Variants in CEP131 observed in about 807,000 individuals in gnomAD.
The protein encoded by CEP131 is centrosomal protein 131.
CEP131 carries 99 observed loss-of-function variants against 136.8 expected under a neutral mutation model. The observed-to-expected ratio is 0.72, with a 90% CI of 0.62 to 0.86. CEP131 has a LOEUF of 0.86. Among genes scored for constraint, CEP131 ranks in the 40% least tolerant of loss-of-function variants. CEP131 has a pLI of 0.00. For missense variants in CEP131, 1,459 were observed against 1,463.0 expected (o/e 1.00, Z 0.04); for synonymous variants, 646 against 612.7 (o/e 1.05, Z -0.80).
intron 21 of CEP131, 105 bp downstream of exon 21, chr17:81,192,213 C>G (rs891591849): frequency 9.3e-7 from 1 of 1,076,412 alleles, no homozygotes; most frequent in Non-Finnish European, 1.3e-6. Context: ...GAAACGAGCC[C>G]CCAGGATGCC....
At chr17:81,212,937 T>C (rs9892075) in intron 2 of CEP131, among the ~76,000 whole-genome samples, 67,346 of 151,892 alleles carry the variant, frequency 0.44, 15,372 homozygotes, top group Non-Finnish European at 0.48. Context: ...AACAGCCCAG[T>C]AGGGACAAGC....
intron 8 of CEP131, chr17:81,200,095 C>G (rs1598287731): frequency 3.3e-6 from 2 of 609,158 alleles, no homozygotes; most frequent in Middle Eastern, 4.3e-4. Context: ...CTGAGACTCT[C>G]CAGCCTGGGA....
chr17:81,196,991 A>G lies in CEP131; in HGVS notation c.1712T>C (p.Met571Thr), dbSNP rs762629509. The G allele has an allele frequency of 1.2e-6, 2 of 1,604,534 alleles. No individual in the cohort carries two copies. Among genetic ancestry groups the G allele is most frequent in the Non-Finnish European group, 1.7e-6 (2 of 1,175,834 alleles). Residue 571 changes from methionine (M) to threonine (T), a missense_variant, in exon 14 of 26, where the codon ATG becomes ACG. Around this residue, in one of 3 missense-constraint regions of CEP131, gnomAD observed 1,026 missense variants for 964.2 expected, o/e 1.06. Transcript: ENST00000450824. Reference protein sequence around the residue: ...ELGSEVSTSVMRLKLEVEEKK... With the variant: ...ELGSEVSTSVTRLKLEVEEKK... ...CTCCTCCACCTCCAGCTTCAGCCGCATCACAGACGTGCTCACCTCGGACCC... is the reference window on the plus strand; with the variant it reads ...CTCCTCCACCTCCAGCTTCAGCCGCGTCACAGACGTGCTCACCTCGGACCC...
Position 81,197,679 on chromosome 17 carries a change from C to T in CEP131, c.1647+33G>A, listed in dbSNP as rs777741959. 7 of 1,586,600 alleles carry T rather than the reference C, an allele frequency of 4.4e-6. No individual in the cohort carries two copies. The African/African-American group carries it at 6.7e-5, about 15-fold the overall frequency. On this transcript the variant is annotated intron_variant, in intron 13 of 25. Coordinates refer to ENST00000450824, the MANE Select transcript of CEP131 (RefSeq NM_014984.4). ...CAGGCTCGTGAGGGGCCTCCTCCCACTGGGGGCCGGGTGCGGGCTGGTGAG... is the reference window on the plus strand; with the variant it reads ...CAGGCTCGTGAGGGGCCTCCTCCCATTGGGGGCCGGGTGCGGGCTGGTGAG...
intron 8 of CEP131, 107 bp from the exon 9 acceptor site, chr17:81,199,942 A>G (rs577605966): frequency 9.0e-7 from 1 of 1,116,476 alleles, no homozygotes; most frequent in East Asian, 2.4e-5. Flanking sequence ...AGTTCGTGGA[A>G]TCTCAGGGCC....
In CEP131 at chr17:81,215,504, C is replaced by T. The variant is rs1598322425; in HGVS notation, c.177+4376G>A. The stretch of plus-strand genomic sequence containing the variant: ...TTGGCTCACTGCAACCTCCAGCTTC[C>T]GGGTTAAATCAGTTCTCCTGCCTTA... On this transcript the variant is annotated intron_variant, in intron 2 of 25. Coordinates refer to ENST00000450824, the MANE Select transcript of CEP131 (RefSeq NM_014984.4). This position sits in a 1 kb window ranked among gnomAD's most constrained non-coding sequence, Gnocchi z 4.1. 6.6e-6 allele frequency among the ~76,000 whole-genome samples: 1 copy of T among 152,084 alleles called. No homozygotes were observed. Among genetic ancestry groups the T allele is most frequent in the Admixed American group, 6.6e-5 (1 of 15,262 alleles).
chr17:81,198,984 A>G lies in CEP131; in HGVS notation c.1193-13T>C, dbSNP rs1475270696. 6.5e-7 allele frequency: 1 copy of G among 1,528,374 alleles called. No homozygotes were observed. Among genetic ancestry groups the G allele is most frequent in the East Asian group, 2.4e-5 (1 of 41,792 alleles). 94.7% of individuals were successfully genotyped at this position (1,528,374 alleles called of 1,614,324 possible). A position where few individuals can be genotyped will look rare whatever the true frequency, so the allele number is the denominator to read the frequency against. On this transcript the variant is annotated splice_polypyrimidine_tract_variant and intron_variant, in intron 10 of 25. Transcript: ENST00000450824. ...GGGAGGCCACCACCTGCACAGCAGA[A>G]CACAGCACCATTCCACAGGGAGCAT... is the stretch of plus-strand genomic sequence containing the variant.
Position 81,197,908 on chromosome 17 carries a change from C to T in CEP131, c.1471-20G>A, listed in dbSNP as rs774993503. On this transcript the variant is annotated intron_variant, in intron 12 of 25. Transcript: ENST00000450824. ...ATCCTCCTGTGGGACAGGAGCCCAG[C>T]ATCGGGGGCTGTCAGGGCAGCCTGA... 1 of 1,603,688 alleles carries T rather than the reference C, an allele frequency of 6.2e-7. No homozygotes were observed. Among genetic ancestry groups the T allele is most frequent in the African/African-American group, 1.3e-5 (1 of 74,774 alleles).
intron 19 of CEP131, 63 bp downstream of exon 19, chr17:81,192,673 C>G (rs3744149): frequency 4.4e-3 from 899 of 203,058 alleles, no homozygotes; most frequent in African/African-American, 7.2e-3. Flanking sequence ...GGTGAGGGGG[C>G]GGGGGGGAGG....
intron 2 of CEP131, among the ~76,000 whole-genome samples, chr17:81,217,913 T>A (rs918035148): frequency 2.0e-5 from 3 of 152,182 alleles, no homozygotes; most frequent in Non-Finnish European, 2.9e-5. Context: ...AGCCTGGCCA[T>A]GCCGCCGAAA....
intron 18 of CEP131, 87 bp from the exon 19 acceptor site, chr17:81,192,930 C>T: frequency 6.6e-7 from 1 of 1,513,172 alleles, no homozygotes; most frequent in Non-Finnish European, 8.8e-7. Context: ...CGACCACAGG[C>T]CTGACTCACA....
chr17:81,214,563 G>A (rs2062203674), intron 2 of CEP131, among the ~76,000 whole-genome samples: 2 of 139,240 alleles, frequency 1.4e-5, no homozygotes. Context: ...TCTCAAAAAA[G>A]AAAAAGAAAA....
intron 15 of CEP131, 106 bp from the exon 16 acceptor site, chr17:81,196,057 C>A: frequency 2.3e-6 from 2 of 888,670 alleles, no homozygotes; most frequent in Non-Finnish European, 3.5e-6. Flanking sequence ...CAGCAGCCCT[C>A]CCCTGGGGCT....
At chr17:81,197,662 T>A (rs781284724) in intron 13 of CEP131, 50 bp downstream of exon 13, 1 of 1,564,558 alleles carries the variant, frequency 6.4e-7, no homozygotes. Context: ...TGCAGGCTCG[T>A]GAGGGGCCTC....
Position 81,199,464 on chromosome 17 carries a change from A to G in CEP131, c.1109T>C (p.Val370Ala). Reference protein sequence around the residue: ...GPPENPRETRVPGMRQPAQEL... With the variant: ...GPPENPRETRAPGMRQPAQEL... The stretch of plus-strand genomic sequence containing the variant: ...CTGAGCAGGCTGCCGCATTCCTGGC[A>G]CTCTGGTCTCCCTGGGATTCTCAGG... Residue 370 changes from valine (V) to alanine (A), a missense_variant, in exon 10 of 26, where the codon GTG (valine) becomes GCG (alanine). Physicochemically the swap from Val to Ala is moderately conservative, Grantham distance 64. Transcript: ENST00000450824. 1 of 1,609,004 alleles carries G rather than the reference A, an allele frequency of 6.2e-7. No individual in the cohort carries two copies.
chr17:81,199,427 G>T lies in CEP131; in HGVS notation c.1146C>A (p.Pro382=). The T allele has an allele frequency of 6.2e-7, 1 of 1,607,034 alleles. No homozygotes were observed. Among genetic ancestry groups the T allele is most frequent in the Non-Finnish European group, 8.5e-7 (1 of 1,177,668 alleles). The change falls in exon 10 of 26, where the codon CCC becomes CCA. Residue 382 remains proline, a synonymous_variant. Coordinates refer to ENST00000450824, the MANE Select transcript of CEP131 (RefSeq NM_014984.4). ...GMRQPAQELS[P]TPGGTAHQAL... ...CCTGGTGGGCAGTGCCGCCTGGTGTGGGGGACAGCTCCTGAGCAGGCTGCC... is the reference window on the plus strand; with the variant it reads ...CCTGGTGGGCAGTGCCGCCTGGTGTTGGGGACAGCTCCTGAGCAGGCTGCC...
chr17:81,203,937 G>A lies in CEP131; in HGVS notation c.516-330C>T. On this transcript the variant is annotated intron_variant, in intron 5 of 25. Coordinates refer to ENST00000450824, the MANE Select transcript of CEP131 (RefSeq NM_014984.4). The surrounding 1 kb of genome is among the most constrained non-coding windows in gnomAD (Gnocchi z 4.6). ...TCCAGAGCAGACTCACAGAAGCGAA[G>A]CCCCATCCCACACGACGGATGGAAG... The A allele has an allele frequency of 7.2e-6, 2 of 278,448 alleles. No homozygotes were observed. Among genetic ancestry groups the A allele is most frequent in the South Asian group, 1.2e-4 (2 of 16,950 alleles). The allele number at this position is 278,448 out of a possible 1,614,324, so 17.2% of individuals were successfully genotyped here. A position where few individuals can be genotyped will look rare whatever the true frequency, so the allele number is the denominator to read the frequency against.
In CEP131 at chr17:81,198,011, G is replaced by A. The variant is rs531878457; in HGVS notation, c.1470+104C>T. 4.0e-6 allele frequency: 6 copies of A among 1,486,896 alleles called. No homozygotes were observed. In the East Asian group the frequency reaches 9.7e-5, roughly 24 times the overall value. 92.1% of individuals were successfully genotyped at this position (1,486,896 alleles called of 1,614,324 possible). A position where few individuals can be genotyped will look rare whatever the true frequency, so the allele number is the denominator to read the frequency against. ...GGAGGGTTGTGACTAAAGCCAGGAGGAGCCTGTGGCATCCCCATTTTCCCA... is the reference window on the plus strand; with the variant it reads ...GGAGGGTTGTGACTAAAGCCAGGAGAAGCCTGTGGCATCCCCATTTTCCCA... On this transcript the variant is annotated intron_variant, in intron 12 of 25. Coordinates refer to ENST00000450824, the MANE Select transcript of CEP131 (RefSeq NM_014984.4).
Position 81,189,719 on chromosome 17 carries a change from G to A in CEP131, c.*50C>T. 1 of 1,534,412 alleles carries A rather than the reference G, an allele frequency of 6.5e-7. No individual in the cohort carries two copies. Among genetic ancestry groups the A allele is most frequent in the East Asian group, 2.3e-5 (1 of 43,628 alleles). ...CTGTGGGCCTCTGGGCCCACGTCCAGCCTCTGTCCTCTGCCTTCCGTTCTT... is the reference window on the plus strand; with the variant it reads ...CTGTGGGCCTCTGGGCCCACGTCCAACCTCTGTCCTCTGCCTTCCGTTCTT... On this transcript the variant is annotated 3_prime_UTR_variant, in exon 26 of 26. Coordinates refer to ENST00000450824, the MANE Select transcript of CEP131 (RefSeq NM_014984.4).
Sources: allele counts gnomAD v4.1 joint callset (sites outside exome capture counted in the v4.1 genomes callset), GRCh38; gene constraint gnomAD v4.1.1; regional missense constraint gnomAD v4.1.1; non-coding constraint Gnocchi (gnomAD v3.1); transcripts MANE v1.5; gene names NCBI Gene and HGNC (gene_info 2026-07-23, HGNC 2026-07-21).